ACP3: variants seen among roughly 807,000 people sequenced by gnomAD.
ACP3 encodes prostatic acid phosphatase.
In ACP3, 38 loss-of-function variants were observed where a neutral mutation model predicts 45.6. The ratio of observed to expected loss-of-function variants is 0.83; its 90% CI spans 0.64 to 1.09. The LOEUF is 1.09. Among genes scored for constraint, ACP3 ranks in the 50% least tolerant of loss-of-function variants. The pLI is 0.00. For missense variants in ACP3, 466 were observed against 463.2 expected, an observed-to-expected ratio of 1.01 and a Z score of -0.05; for synonymous variants, 162 against 164.7, an observed-to-expected ratio of 0.98 and a Z score of 0.13.
At chr3:132,322,198 AAT>A (rs1277951707) in intron 1 of ACP3, among the ~76,000 whole-genome samples, 1 of 152,150 alleles carries the variant, frequency 6.6e-6, no homozygotes, top group Non-Finnish European at 1.5e-5. Context: ...TACACAACAT[AAT>A]ACACAGTTTT....
intron 10 of ACP3, among the ~76,000 whole-genome samples, chr3:132,365,937 C>T (rs2107825504): frequency 6.6e-6 from 1 of 152,138 alleles, no homozygotes; most frequent in East Asian, 1.9e-4. Context: ...TTGCAGTGAG[C>T]CGAGATGGTG....
chr3:132,335,917 A>T (rs1247588077), intron 4 of ACP3, among the ~76,000 whole-genome samples: 1 of 152,068 alleles, frequency 6.6e-6, no homozygotes, highest in Non-Finnish European at 1.5e-5. Context: ...AAGGTCATGA[A>T]CCACAAAATG....
chr3:132,367,826 G>C, exon 11 of ACP3: 1 of 1,603,312 alleles, frequency 6.2e-7, no homozygotes, highest in Non-Finnish European at 8.5e-7. Context: ...CATCTGAACA[G>C]ACAGCTGGAT....
At chr3:132,320,636 A>C (rs1432895968) in intron 1 of ACP3, among the ~76,000 whole-genome samples, 1 of 144,188 alleles carries the variant, frequency 6.9e-6, no homozygotes, top group Non-Finnish European at 1.5e-5. Flanking sequence ...TTAATCAAGT[A>C]ATATAATATT....
Position 132,317,574 on chromosome 3 carries a change from T to G in ACP3, c.118T>G (p.Leu40Val). 1.2e-6 allele frequency: 2 copies of G among 1,610,386 alleles called. No individual in the cohort carries two copies. The highest frequency in any genetic ancestry group is 1.7e-6 in the Non-Finnish European group (2 of 1,178,416). ...VLAKELKFVT[L>V]VFRHGDRSPI... ...AGCCAAGGAGTTGAAGTTTGTGACT[T>G]TGGTAAGTAGACTTTTCTCATTGCT... Residue 40 changes from leucine to valine, a missense_variant and splice_region_variant, in exon 1 of 10, where the codon TTG becomes GTG. Coordinates refer to ENST00000336375, the MANE Select transcript of ACP3 (RefSeq NM_001099.5).
Position 132,358,382 on chromosome 3 carries a change from G to A in ACP3, c.*1504G>A. 8.1e-7 allele frequency: 1 copy of A among 1,236,336 alleles called. No individual in the cohort carries two copies. The highest frequency in any genetic ancestry group is 1.0e-6 in the Non-Finnish European group (1 of 954,704). 76.6% of individuals were successfully genotyped at this position (1,236,336 alleles called of 1,614,324 possible). A position where few individuals can be genotyped will look rare whatever the true frequency, so the allele number is the denominator to read the frequency against. ...CAAAAGGAATGTGTAAGTCTTTAAT[G>A]CCGATATCTTCAGAAAACCTAAGCA... On this transcript the variant is annotated 3_prime_UTR_variant, in exon 10 of 10. Coordinates refer to ENST00000336375, the MANE Select transcript of ACP3 (RefSeq NM_001099.5).
downstream of ACP3, among the ~76,000 whole-genome samples, chr3:132,359,506 TA>T (rs1221997906): frequency 4.7e-5 from 6 of 126,364 alleles, no homozygotes; most frequent in East Asian, 4.4e-3. Flanking sequence ...AGACTCTGTC[TA>T]AATAAATAAA....
chr3:132,366,113 C>A lies in ACP3; in HGVS notation c.1139-1591C>A, dbSNP rs538830671. On this transcript the variant is annotated intron_variant, in intron 10 of 10. Transcript: ENST00000351273. ...CTTAAGAGTTCAAGACCAGCCCGGG[C>A]AACATGACAAAACCCCATCTCTACA... 1.4e-4 allele frequency among the ~76,000 whole-genome samples: 21 copies of A among 152,058 alleles called. No individual in the cohort carries two copies. In the South Asian group the frequency reaches 3.9e-3, roughly 29 times the overall value.
intron 5 of ACP3, among the ~76,000 whole-genome samples, chr3:132,339,313 T>C (rs952614707): frequency 6.6e-6 from 1 of 152,248 alleles, no homozygotes; most frequent in Non-Finnish European, 1.5e-5. Context: ...AGAAGACTTC[T>C]GTGACCAAAT....
intron 10 of ACP3, among the ~76,000 whole-genome samples, chr3:132,366,038 C>T (rs1938126626): frequency 6.6e-6 from 1 of 151,118 alleles, no homozygotes; most frequent in Non-Finnish European, 1.5e-5. Context: ...TGGTGGCTCA[C>T]GTCTGTAATC....
At position 132,357,759 on chromosome 3, in the gene ACP3, C is replaced by T. The variant is rs929252083; in HGVS notation, c.*881C>T. The stretch of plus-strand genomic sequence containing the variant: ...ACTCTAAAGTTGATTTAAGGCCAGG[C>T]ATGGTGGTTTACGCCTATAATCCCA... On this transcript the variant is annotated 3_prime_UTR_variant, in exon 10 of 10. Coordinates refer to ENST00000336375, the MANE Select transcript of ACP3 (RefSeq NM_001099.5). 9 of 985,010 alleles carry T rather than the reference C, an allele frequency of 9.1e-6. No individual in the cohort carries two copies. Among genetic ancestry groups the T allele is most frequent in the Non-Finnish European group, 1.1e-5 (9 of 829,732 alleles). 61.0% of individuals were successfully genotyped at this position (985,010 alleles called of 1,614,324 possible). A position where few individuals can be genotyped will look rare whatever the true frequency, so the allele number is the denominator to read the frequency against.
At chr3:132,323,528 TGATGGTCAAGG>T (rs922559730) in intron 1 of ACP3, among the ~76,000 whole-genome samples, 1 of 152,220 alleles carries the variant, frequency 6.6e-6, no homozygotes, top group African/African-American at 2.4e-5. Flanking sequence ...AGAATTATAA[TGATGGTCAAGG>T]GATGTCTCTC....
downstream of ACP3, among the ~76,000 whole-genome samples, chr3:132,360,602 G>A (rs1411957237): frequency 6.6e-6 from 1 of 152,172 alleles, no homozygotes; most frequent in Non-Finnish European, 1.5e-5. Context: ...CACATTGCTT[G>A]AAAATAATAA....
At chr3:132,363,220 T>C (rs971263689), downstream of ACP3, among the ~76,000 whole-genome samples, 8 of 152,218 alleles carry the variant, frequency 5.3e-5, no homozygotes, top group African/African-American at 1.7e-4. Flanking sequence ...CTGTCTTCTA[T>C]GTCTACAATC....
At chr3:132,366,106 G>A (rs1938127513) in intron 10 of ACP3, among the ~76,000 whole-genome samples, 2 of 152,056 alleles carry the variant, frequency 1.3e-5, no homozygotes, top group Admixed American at 1.3e-4. Context: ...TTCAAGACCA[G>A]CCCGGGCAAC....
At chr3:132,329,754 G>A (rs1346480927) in intron 2 of ACP3, among the ~76,000 whole-genome samples, 3 of 152,062 alleles carry the variant, frequency 2.0e-5, no homozygotes, top group African/African-American at 7.2e-5. Flanking sequence ...AATCACTTGG[G>A]AATCTTGTCA....
chr3:132,328,403 G>C (rs772921638), intron 2 of ACP3, 41 bp downstream of exon 2: 150 of 1,553,576 alleles, frequency 9.7e-5, no homozygotes, highest in Non-Finnish European at 1.3e-4. Flanking sequence ...ATGAAGCTGG[G>C]TGTGGTGGCT....
At chr3:132,359,060 G>C (rs909247098), downstream of ACP3, among the ~76,000 whole-genome samples, 10 of 152,144 alleles carry the variant, frequency 6.6e-5, no homozygotes, top group Non-Finnish European at 4.4e-5. Context: ...AATATACTAG[G>C]GAAGTAAAGA....
chr3:132,323,680 A>G (rs1937244892), intron 1 of ACP3, among the ~76,000 whole-genome samples: 1 of 152,232 alleles, frequency 6.6e-6, no homozygotes, highest in Non-Finnish European at 1.5e-5. Context: ...CAGCAAATTT[A>G]GTATATTGGA....
Sources: gnomAD v4.1 joint callset for allele counts (sites outside exome capture counted in the v4.1 genomes callset) on GRCh38, gnomAD v4.1.1 for gene constraint, MANE v1.5 for transcripts, NCBI Gene and HGNC (gene_info 2026-07-23, HGNC 2026-07-21) for gene names.